BRINP3: variants seen among roughly 807,000 people sequenced by gnomAD.
BRINP3 encodes the protein BMP/retinoic acid-inducible neural-specific protein 3.
Under a neutral mutation model 71.0 loss-of-function variants are expected in BRINP3, and 19 were observed. The ratio of observed to expected loss-of-function variants is 0.27; its 90% CI spans 0.19 to 0.39. The LOEUF (loss-of-function observed/expected upper bound fraction) is 0.39, where lower values mean the gene tolerates loss of function less well. Among genes scored for constraint, BRINP3 ranks in the 10% least tolerant of loss-of-function variants. BRINP3 has a pLI of 1.00. For missense variants in BRINP3, 959 were observed against 940.8 expected (o/e 1.02, Z -0.25); for synonymous variants, 380 against 337.7 (o/e 1.13, Z -1.37).
chr1:190,111,861 T>C (rs1194861239), intron 7 of BRINP3, among the ~76,000 whole-genome samples: 1 of 152,066 alleles, frequency 6.6e-6, no homozygotes, highest in Non-Finnish European at 1.5e-5. Flanking sequence ...CTTCTGTGAA[T>C]GGAGATTGGA....
chr1:190,461,253 T>C (rs1676379255), intron 1 of BRINP3, among the ~76,000 whole-genome samples: 1 of 152,208 alleles, frequency 6.6e-6, no homozygotes, highest in African/African-American at 2.4e-5. Flanking sequence ...GCCATGACCA[T>C]AGACCTCATC....
At chr1:190,201,501 G>A (rs1345461888) in intron 6 of BRINP3, among the ~76,000 whole-genome samples, 2 of 152,190 alleles carry the variant, frequency 1.3e-5, no homozygotes, top group Non-Finnish European at 2.9e-5. Flanking sequence ...ATTTGCATAA[G>A]TAACATGGAA....
intron 4 of BRINP3, among the ~76,000 whole-genome samples, chr1:190,259,037 G>C (rs996840112): frequency 6.6e-6 from 1 of 152,008 alleles, no homozygotes; most frequent in African/African-American, 2.4e-5. Flanking sequence ...TTCACATCTA[G>C]ATGGTTTCAC....
chr1:190,203,750 AATATATATATATATATATATATAT>A (rs553650706), intron 6 of BRINP3, among the ~76,000 whole-genome samples: 1,422 of 39,300 alleles, frequency 0.036, 103 homozygotes, highest in East Asian at 0.11. Flanking sequence ...CACTAAAGAA[AATATATATATATATATATATATAT>A]ATATATATAT....
intron 4 of BRINP3, among the ~76,000 whole-genome samples, chr1:190,251,248 T>A (rs995803347): frequency 1.3e-5 from 2 of 151,972 alleles, no homozygotes; most frequent in Non-Finnish European, 2.9e-5. Context: ...CTTGTACTTA[T>A]AACTATGAGC....
In BRINP3 at chr1:190,097,842, G is replaced by A. The variant is rs1571685043; in HGVS notation, c.*176C>T. 3.0e-6 allele frequency: 2 copies of A among 662,798 alleles called. No individual in the cohort carries two copies. Among genetic ancestry groups the A allele is most frequent in the South Asian group, 2.1e-5 (1 of 46,984 alleles). 41.1% of individuals were successfully genotyped at this position (662,798 alleles called of 1,614,324 possible). On this transcript the variant is annotated 3_prime_UTR_variant, in exon 8 of 8. Coordinates refer to ENST00000367462, the MANE Select transcript of BRINP3 (RefSeq NM_199051.3). ...ATGTCATTCATAAACCAAAACTGCT[G>A]TATAATATATTCATTGTCAGCAAGT... is the stretch of plus-strand genomic sequence containing the variant.
chr1:190,120,390 A>G (rs924255542), intron 7 of BRINP3, among the ~76,000 whole-genome samples: 2 of 152,350 alleles, frequency 1.3e-5, no homozygotes, highest in Non-Finnish European at 2.9e-5. Context: ...CAGCAGGTTC[A>G]TTGATTATGA....
At chr1:190,236,336 G>T (rs886270228) in intron 4 of BRINP3, among the ~76,000 whole-genome samples, 5 of 151,938 alleles carry the variant, frequency 3.3e-5, no homozygotes, top group African/African-American at 1.2e-4. Flanking sequence ...TCTCTTTGAT[G>T]AAAATATTTA....
intron 2 of BRINP3, among the ~76,000 whole-genome samples, chr1:190,402,790 G>A (rs767815870): frequency 6.6e-6 from 1 of 152,052 alleles, no homozygotes; most frequent in Non-Finnish European, 1.5e-5. Context: ...GGAGTGCCAT[G>A]GTGCCATCAT....
At chr1:190,461,231 C>T (rs544489251) in intron 1 of BRINP3, among the ~76,000 whole-genome samples, 1 of 152,266 alleles carries the variant, frequency 6.6e-6, no homozygotes, top group South Asian at 2.1e-4. Flanking sequence ...CAAACACCAA[C>T]TTTGTTTTTC....
At chr1:190,396,494 T>C (rs1268563211) in intron 2 of BRINP3, among the ~76,000 whole-genome samples, 2 of 151,300 alleles carry the variant, frequency 1.3e-5, no homozygotes, top group Non-Finnish European at 3.0e-5. Context: ...TAGGAATCTA[T>C]TGATTACATT....
intron 6 of BRINP3, among the ~76,000 whole-genome samples, chr1:190,162,380 G>A (rs1651079334): frequency 6.6e-6 from 1 of 151,754 alleles, no homozygotes; most frequent in Non-Finnish European, 1.5e-5. Context: ...GACCAACAAG[G>A]TGAAACCCCA....
intron 2 of BRINP3, among the ~76,000 whole-genome samples, chr1:190,287,824 A>G (rs575201463): frequency 1.1e-4 from 16 of 152,166 alleles, no homozygotes; most frequent in African/African-American, 3.9e-4. Flanking sequence ...CTAGTTATGC[A>G]CACTTCAGAT....
At chr1:190,148,441 A>G (rs573074033) in intron 7 of BRINP3, among the ~76,000 whole-genome samples, 1 of 151,758 alleles carries the variant, frequency 6.6e-6, no homozygotes, top group Non-Finnish European at 1.5e-5. Flanking sequence ...AAAATACAAA[A>G]AAAAACTAGC....
chr1:190,358,953 T>A (rs980527362), intron 2 of BRINP3, among the ~76,000 whole-genome samples: 2 of 151,922 alleles, frequency 1.3e-5, no homozygotes, highest in African/African-American at 2.4e-5. Context: ...TAGGTGGGAA[T>A]TGAACAACGA....
At chr1:190,375,742 T>C (rs1388174449) in intron 2 of BRINP3, among the ~76,000 whole-genome samples, 1 of 152,000 alleles carries the variant, frequency 6.6e-6, no homozygotes, top group East Asian at 1.9e-4. Flanking sequence ...TTAAAATACT[T>C]TCATCTTTTA....
Position 190,098,666 on chromosome 1 carries a change from C to T in BRINP3, c.1653G>A (p.Leu551=). ...KYKSSLVHMI[L]GLSLQICLTK... ...TTAAGCAAATCTGTAAAGAGAGACCCAAAATCATATGGACCAGACTTGACT... is the reference window on the plus strand; with the variant it reads ...TTAAGCAAATCTGTAAAGAGAGACCTAAAATCATATGGACCAGACTTGACT... Residue 551 remains leucine, a synonymous_variant, in exon 8 of 8, where the codon TTG becomes TTA. Transcript: ENST00000367462. The T allele has an allele frequency of 6.2e-7, 1 of 1,614,124 alleles. No individual in the cohort carries two copies. Among genetic ancestry groups the T allele is most frequent in the Non-Finnish European group, 8.5e-7 (1 of 1,180,036 alleles).
At chr1:190,398,231 T>C (rs1326855030) in intron 2 of BRINP3, among the ~76,000 whole-genome samples, 1 of 151,896 alleles carries the variant, frequency 6.6e-6, no homozygotes, top group African/African-American at 2.4e-5. Flanking sequence ...GTTGTACAAT[T>C]TGCTTTGGGG....
chr1:190,284,965 A>G (rs1444199723), intron 2 of BRINP3, among the ~76,000 whole-genome samples: 1 of 152,130 alleles, frequency 6.6e-6, no homozygotes, highest in Non-Finnish European at 1.5e-5. Flanking sequence ...CAAAAGAATA[A>G]AGCAAAATAC....
Sources: gnomAD v4.1 joint callset for allele counts (sites outside exome capture counted in the v4.1 genomes callset) on GRCh38, gnomAD v4.1.1 for gene constraint, MANE v1.5 for transcripts, NCBI Gene and HGNC (gene_info 2026-07-23, HGNC 2026-07-21) for gene names.